Variants in N4BP2 observed in about 807,000 individuals in gnomAD.
N4BP2 encodes the protein NEDD4 binding protein 2.
A neutral mutation model predicts 152.8 loss-of-function variants in N4BP2; 91 were observed. The observed-to-expected ratio is 0.60, with a 90% CI of 0.50 to 0.71. N4BP2 has a LOEUF of 0.71. N4BP2 is among the 30% of genes least tolerant of loss of function. The probability of loss-of-function intolerance (pLI) is 0.00; values close to 1 mark genes in which losing one functional copy is unlikely to be tolerated. For synonymous variants in N4BP2, 646 were observed against 705.3 expected, an observed-to-expected ratio of 0.92 and a Z score of 1.33; for missense variants, 1,923 against 2,059.1, an observed-to-expected ratio of 0.93 and a Z score of 1.28.
Position 40,119,341 on chromosome 4 carries a change from C to T in N4BP2, c.1821-591C>T, listed in dbSNP as rs181243572. On this transcript the variant is annotated intron_variant, in intron 8 of 17. Coordinates refer to ENST00000261435, the MANE Select transcript of N4BP2 (RefSeq NM_018177.6). The stretch of plus-strand genomic sequence containing the variant: ...GAGGAAATGCATTGACAAATTTAAT[C>T]GAGAAAAATTAACTAAAGTTGAGAG... Among the ~76,000 whole-genome samples, 759 of 152,206 alleles carry T rather than the reference C, an allele frequency of 5.0e-3. 9 individuals are homozygous for T. Among genetic ancestry groups the T allele is most frequent in the African/African-American group, 0.017 (722 of 41,526 alleles).
intron 13 of N4BP2, among the ~76,000 whole-genome samples, chr4:40,135,830 G>A (rs1719334393): frequency 6.6e-6 from 1 of 152,144 alleles, no homozygotes; most frequent in Admixed American, 6.5e-5. Flanking sequence ...GCCTCCCAAA[G>A]TGTTGGGATT....
intron 2 of N4BP2, among the ~76,000 whole-genome samples, chr4:40,092,344 A>T (rs1714684869): frequency 6.6e-6 from 1 of 150,570 alleles, no homozygotes; most frequent in East Asian, 1.9e-4. Flanking sequence ...TAGTGATTTT[A>T]TCTTTGTCTT....
the N4BP2 span, chr4:40,167,465 A>G: frequency 6.6e-6 from 1 of 152,224 alleles, no homozygotes; most frequent in Non-Finnish European, 1.5e-5. Context: ...GCAATGGGAA[A>G]AGAATTGGAC....
At chr4:40,182,522 C>T in the N4BP2 span, among the ~76,000 whole-genome samples, 1 of 152,064 alleles carries the variant, frequency 6.6e-6, no homozygotes, top group Non-Finnish European at 1.5e-5. Flanking sequence ...GGGAACACAG[C>T]TCACTGCAGT....
At chr4:40,065,712 A>G (rs1182507436) in intron 1 of N4BP2, among the ~76,000 whole-genome samples, 1 of 152,174 alleles carries the variant, frequency 6.6e-6, no homozygotes, top group Non-Finnish European at 1.5e-5. Context: ...GTGTGCACAG[A>G]GAAAATAAAA....
intron 2 of N4BP2, among the ~76,000 whole-genome samples, chr4:40,076,009 A>G (rs1299524326): frequency 2.0e-5 from 3 of 151,914 alleles, no homozygotes; most frequent in Non-Finnish European, 4.4e-5. Context: ...AATTTTTCAC[A>G]GAGATGTGTT....
chr4:40,182,111 C>A, the N4BP2 span, among the ~76,000 whole-genome samples: 1 of 152,188 alleles, frequency 6.6e-6, no homozygotes, highest in Non-Finnish European at 1.5e-5. Flanking sequence ...GGCTACAGTG[C>A]TCAGTTGAAA....
At chr4:40,092,010 A>AAT (rs1560584859) in intron 2 of N4BP2, among the ~76,000 whole-genome samples, 24 of 31,354 alleles carry the variant, frequency 7.7e-4, no homozygotes, top group African/African-American at 1.7e-3. Context: ...AAAAAAAATT[A>AAT]TATATATATA....
Position 40,154,291 on chromosome 4 carries a change from A to G in N4BP2, c.*54A>G. Reference sequence around the variant, plus strand: ...AGGTTTGTAGGTTAAAATTACTTTTATTTGCAGTAATTCAGTCAATTCTAC... The same window carrying G: ...AGGTTTGTAGGTTAAAATTACTTTTGTTTGCAGTAATTCAGTCAATTCTAC... On this transcript the variant is annotated 3_prime_UTR_variant, in exon 18 of 18. Coordinates refer to ENST00000261435, the MANE Select transcript of N4BP2 (RefSeq NM_018177.6). 2 of 1,157,480 alleles carry G rather than the reference A, an allele frequency of 1.7e-6. No individual in the cohort carries two copies. Among genetic ancestry groups the G allele is most frequent in the Admixed American group, 4.3e-5 (2 of 46,616 alleles). The allele number at this position is 1,157,480 out of a possible 1,614,324, so 71.7% of individuals were successfully genotyped here.
chr4:40,082,255 G>A (rs1713454010), intron 2 of N4BP2, among the ~76,000 whole-genome samples: 1 of 129,284 alleles, frequency 7.7e-6, no homozygotes, highest in South Asian at 2.5e-4. Flanking sequence ...CAGCCTGGGC[G>A]ACAGAGCGAG....
Position 40,103,032 on chromosome 4 carries a change from C to T in N4BP2, c.1187C>T (p.Thr396Ile), listed in dbSNP as rs776261334. The T allele has an allele frequency of 6.2e-7, 1 of 1,614,182 alleles. No homozygotes were observed. Among genetic ancestry groups the T allele is most frequent in the South Asian group, 1.1e-5 (1 of 91,082 alleles). Residue 396 changes from threonine to isoleucine, a missense_variant, in exon 4 of 18, where the codon ACA becomes ATA. Physicochemically the swap from Thr to Ile is moderately conservative, Grantham distance 89. Transcript: ENST00000261435. ...TAAHWRSVNY[T>I]FPPSVISHTS... ...GCACACTGGAGATCTGTCAACTACACATTTCCACCCTCAGTTATTTCTCAC... is the reference window on the plus strand; with the variant it reads ...GCACACTGGAGATCTGTCAACTACATATTTCCACCCTCAGTTATTTCTCAC...
chr4:40,091,818 A>C (rs1384788866), intron 2 of N4BP2, among the ~76,000 whole-genome samples: 1 of 147,776 alleles, frequency 6.8e-6, no homozygotes, highest in Admixed American at 6.8e-5. Context: ...TGTGTTGCCC[A>C]GGCTGGTCCT....
chr4:40,139,313 G>C (rs1292548116), intron 14 of N4BP2, among the ~76,000 whole-genome samples: 1 of 151,992 alleles, frequency 6.6e-6, no homozygotes, highest in African/African-American at 2.4e-5. Flanking sequence ...GCCCAGACTG[G>C]TTTCAACTCC....
chr4:40,102,941 A>G lies in N4BP2; in HGVS notation c.1096A>G (p.Met366Val), dbSNP rs146219712. Residue 366 changes from methionine (M) to valine (V), a missense_variant, in exon 4 of 18, where the codon ATG (methionine) becomes GTG (valine). By Grantham distance (21) the Met-to-Val change is conservative. Coordinates refer to ENST00000261435, the MANE Select transcript of N4BP2 (RefSeq NM_018177.6). Reference sequence around the variant, plus strand: ...GCCACCTCCACCGATGTGGAATCCAATGATTCCTGCTTTTGACCTCTTCCA... The same window carrying G: ...GCCACCTCCACCGATGTGGAATCCAGTGATTCCTGCTTTTGACCTCTTCCA... ...PPPPPPMWNP[M>V]IPAFDLFQGN... is the part of the protein sequence containing the mutation. 107 of 1,614,200 alleles carry G rather than the reference A, an allele frequency of 6.6e-5. No homozygotes were observed. In the East Asian group the frequency reaches 1.6e-3, roughly 25 times the overall value.
chr4:40,136,854 T>C (rs751080511), intron 13 of N4BP2, 90 bp from the exon 14 acceptor site: 1 of 943,426 alleles, frequency 1.1e-6, no homozygotes, highest in Non-Finnish European at 1.6e-6. Flanking sequence ...TTTCATATTC[T>C]TGTAAGATGT....
At chr4:40,115,267 CAGG>C (rs1448451810) in intron 7 of N4BP2, among the ~76,000 whole-genome samples, 4 of 152,130 alleles carry the variant, frequency 2.6e-5, no homozygotes, top group Non-Finnish European at 4.4e-5. Context: ...GAAGCTGAAG[CAGG>C]AGGATTTCTT....
At chr4:40,144,332 A>T (rs1720311489) in intron 15 of N4BP2, among the ~76,000 whole-genome samples, 4 of 152,156 alleles carry the variant, frequency 2.6e-5, no homozygotes, top group Admixed American at 1.3e-4. Context: ...AGTCAAATTG[A>T]TACCTAAAAT....
chr4:40,131,792 T>G lies in N4BP2; in HGVS notation c.4528-9T>G. 6.3e-7 allele frequency: 1 copy of G among 1,587,122 alleles called. No individual in the cohort carries two copies. The highest frequency in any genetic ancestry group is 8.6e-7 in the Non-Finnish European group (1 of 1,157,436). ...CATCTTGAACATGATTTTTATGTTT[T>G]TGTTTTAGAAAAGGGAGACCCTTAT... On this transcript the variant is annotated splice_polypyrimidine_tract_variant and intron_variant, in intron 12 of 17. Transcript: ENST00000261435.
At position 40,124,211 on chromosome 4, in the gene N4BP2, G is replaced by A. The variant is rs1399580629; in HGVS notation, c.4330+6G>A. The A allele has an allele frequency of 1.3e-6, 2 of 1,597,170 alleles. No individual in the cohort carries two copies. Among genetic ancestry groups the A allele is most frequent in the Admixed American group, 3.3e-5 (2 of 59,892 alleles). ...TTGTGGCAAGTTTATGCAAGGTAAA[G>A]CACATGTTTTTATTTCTAATGTCTT... On this transcript the variant is annotated splice_donor_region_variant and intron_variant, in intron 11 of 17. Coordinates refer to ENST00000261435, the MANE Select transcript of N4BP2 (RefSeq NM_018177.6).
Sources: gnomAD v4.1 joint callset for allele counts (sites outside exome capture counted in the v4.1 genomes callset) on GRCh38, gnomAD v4.1.1 for gene constraint, MANE v1.5 for transcripts, NCBI Gene and HGNC (gene_info 2026-07-23, HGNC 2026-07-21) for gene names.